Variants in TFEC observed in about 807,000 individuals in gnomAD.
TFEC encodes the protein transcription factor EC.
TFEC carries 31 observed loss-of-function variants against 41.6 expected under a neutral mutation model. The ratio of observed to expected loss-of-function variants is 0.74; its 90% confidence interval spans 0.56 to 1.01. The LOEUF is 1.01. Among genes scored for constraint, TFEC ranks in the 50% least tolerant of loss-of-function variants. The probability of loss-of-function intolerance (pLI) is 0.00; values close to 1 mark genes in which losing one functional copy is unlikely to be tolerated. For synonymous variants in TFEC, 143 were observed against 140.6 expected, an observed-to-expected ratio of 1.02 and a Z score of -0.12; for missense variants, 402 against 404.1, an observed-to-expected ratio of 0.99 and a Z score of 0.04.
intron 3 of TFEC, among the ~76,000 whole-genome samples, chr7:116,090,460 T>C (rs932513276): frequency 8.5e-5 from 13 of 152,110 alleles, no homozygotes; most frequent in African/African-American, 2.9e-4. Flanking sequence ...CCTTGCTTTG[T>C]TTGTGCATTT....
chr7:116,036,929 C>T (rs1420192214), intron 3 of TFEC, among the ~76,000 whole-genome samples: 2 of 151,880 alleles, frequency 1.3e-5, no homozygotes, highest in African/African-American at 4.8e-5. Context: ...ATAAGTTGGC[C>T]ACTAAGGCAA....
intron 1 of TFEC, among the ~76,000 whole-genome samples, chr7:115,990,096 G>T (rs1001636472): frequency 1.3e-5 from 2 of 152,206 alleles, no homozygotes; most frequent in African/African-American, 4.8e-5. Context: ...GCCTCTGCTG[G>T]TGATACCAAG....
At chr7:116,143,637 T>C (rs1038930273) in intron 1 of TFEC, among the ~76,000 whole-genome samples, 6 of 152,286 alleles carry the variant, frequency 3.9e-5, no homozygotes, top group African/African-American at 1.4e-4. Context: ...CCTTGCTGTG[T>C]ATATGATTGA....
chr7:116,011,915 CTG>C (rs1245086041), intron 1 of TFEC, among the ~76,000 whole-genome samples: 1 of 152,182 alleles, frequency 6.6e-6, no homozygotes, highest in African/African-American at 2.4e-5. Context: ...TCTGCCATGA[CTG>C]TAAGCTCCCT....
chr7:116,118,287 T>G (rs1584539030), intron 1 of TFEC, among the ~76,000 whole-genome samples: 3 of 152,028 alleles, frequency 2.0e-5, no homozygotes, highest in African/African-American at 7.2e-5. Context: ...TAAAACTTTC[T>G]GTTGAATTAT....
chr7:116,106,293 T>C (rs1010854250), intron 3 of TFEC, among the ~76,000 whole-genome samples: 2 of 152,212 alleles, frequency 1.3e-5, no homozygotes, highest in Non-Finnish European at 2.9e-5. Context: ...ACAGTGTAAG[T>C]CTCTAAGGCT....
intron 2 of TFEC, among the ~76,000 whole-genome samples, chr7:115,977,650 G>A (rs1346242846): frequency 6.6e-6 from 1 of 151,770 alleles, no homozygotes; most frequent in African/African-American, 2.4e-5. Flanking sequence ...CAAAACAAAA[G>A]AATGAGTAAA....
At chr7:115,993,310 C>CCT (rs1472347068) in intron 1 of TFEC, among the ~76,000 whole-genome samples, 1 of 152,064 alleles carries the variant, frequency 6.6e-6, no homozygotes, top group Non-Finnish European at 1.5e-5. Flanking sequence ...ACAGAGATGC[C>CCT]CTCTATCACC....
chr7:116,031,208 T>C (rs1032828225), upstream of TFEC, among the ~76,000 whole-genome samples: 1 of 152,124 alleles, frequency 6.6e-6, no homozygotes, highest in African/African-American at 2.4e-5. Context: ...TTTAAGGCCA[T>C]TGCATTTTCC....
In TFEC at chr7:116,130,612, CT is replaced by C. The variant is rs1484690073; in HGVS notation, c.-68-18575del. On this transcript the variant is annotated intron_variant, in intron 1 of 8. Coordinates refer to the TFEC transcript ENST00000484212. Reference sequence around the variant, plus strand: ...GCTGTCTTTATTCTGCACAATATTTCTTTTTTGGGGTAGAGTGGTGGGGACA... The same window carrying C: ...GCTGTCTTTATTCTGCACAATATTTCTTTTTGGGGTAGAGTGGTGGGGACA... 8.6e-5 allele frequency among the ~76,000 whole-genome samples: 13 copies of C among 152,018 alleles called. No homozygotes were observed. In the East Asian group the frequency reaches 2.5e-3, roughly 29 times the overall value.
intron 7 of TFEC, chr7:115,941,319 CA>C (rs1793485837): frequency 6.0e-6 from 1 of 165,960 alleles, no homozygotes; most frequent in African/African-American, 2.4e-5. Context: ...TGGTGCTAAG[CA>C]TACTCACATT....
intron 1 of TFEC, among the ~76,000 whole-genome samples, chr7:116,135,232 T>C (rs1355826225): frequency 3.3e-5 from 5 of 152,156 alleles, no homozygotes. Context: ...ATAATCCATG[T>C]TAAAGCTCCA....
At chr7:116,016,064 T>C (rs2130833850) in intron 1 of TFEC, among the ~76,000 whole-genome samples, 2 of 151,956 alleles carry the variant, frequency 1.3e-5, no homozygotes, top group East Asian at 1.9e-4. Flanking sequence ...ACTAAAAGAA[T>C]CTCAAAAAAG....
intron 1 of TFEC, among the ~76,000 whole-genome samples, chr7:116,148,413 C>T (rs1273918846): frequency 3.9e-5 from 6 of 152,006 alleles, no homozygotes; most frequent in Non-Finnish European, 8.8e-5. Context: ...AAGATGAGGA[C>T]GGTTTAGACC....
At chr7:116,152,004 G>T (rs1798772178) in intron 1 of TFEC, among the ~76,000 whole-genome samples, 2 of 151,958 alleles carry the variant, frequency 1.3e-5, no homozygotes, top group Non-Finnish European at 2.9e-5. Context: ...CAAAAAAAAA[G>T]GTAGTAAACC....
intron 1 of TFEC, among the ~76,000 whole-genome samples, chr7:116,113,679 A>G (rs1797906860): frequency 6.6e-6 from 1 of 152,048 alleles, no homozygotes; most frequent in East Asian, 1.9e-4. Context: ...GATTCTTATA[A>G]TGCGTTCACT....
chr7:116,074,544 A>T (rs897027331), intron 3 of TFEC, among the ~76,000 whole-genome samples: 8 of 152,200 alleles, frequency 5.3e-5, no homozygotes, highest in Admixed American at 3.9e-4. Context: ...ATGTAATTCA[A>T]TACTACAGTA....
intron 3 of TFEC, among the ~76,000 whole-genome samples, chr7:115,968,835 G>A (rs1045188327): frequency 6.6e-5 from 10 of 151,866 alleles, no homozygotes; most frequent in African/African-American, 2.4e-4. Flanking sequence ...TTAACTATAT[G>A]AACTTGGGCA....
intron 1 of TFEC, among the ~76,000 whole-genome samples, chr7:116,027,218 G>C (rs2130876971): frequency 6.6e-6 from 1 of 152,200 alleles, no homozygotes; most frequent in East Asian, 1.9e-4. Context: ...GGGAGCGTGA[G>C]GAAAGATGCC....
Sources: allele counts gnomAD v4.1 joint callset (sites outside exome capture counted in the v4.1 genomes callset), GRCh38; gene constraint gnomAD v4.1.1; transcripts MANE v1.5; gene names NCBI Gene and HGNC (gene_info 2026-07-23, HGNC 2026-07-21).